Variants in ZNF280D observed in about 807,000 individuals in gnomAD.
ZNF280D encodes the protein zinc finger protein 280D.
In ZNF280D, 39 loss-of-function variants were observed where a neutral mutation model predicts 94.7. That is an observed-to-expected ratio of 0.41 (90% CI 0.32 to 0.54). The LOEUF is 0.54. Ranked by LOEUF, ZNF280D falls within the 20% of genes least tolerant of loss-of-function variation. ZNF280D has a pLI of 0.22. For missense variants in ZNF280D, 1,090 were observed against 1,149.3 expected, an observed-to-expected ratio of 0.95 and a Z score of 0.75; for synonymous variants, 398 against 377.6, an observed-to-expected ratio of 1.05 and a Z score of -0.63.
chr15:56,666,782 T>A lies in ZNF280D; in HGVS notation c.1750A>T (p.Lys584Ter), dbSNP rs763647557. The A allele has an allele frequency of 6.2e-7, 1 of 1,613,796 alleles. No individual in the cohort carries two copies. The highest frequency in any genetic ancestry group is 1.1e-5 in the South Asian group (1 of 91,076). The change falls in exon 15 of 22, where the codon AAA (lysine) becomes TAA (stop). Residue 584 changes from lysine to a stop codon, truncating the protein, a stop_gained. Transcript: ENST00000267807. LOFTEE classifies it high-confidence loss of function. ...GAGATTTTTGGTTTGTATTTAGATT[T>A]ACTTCCATTAGGCTTACTTGTATTA... ...KPNTSKPNGS[K>*]SKYKPKISNM...
chr15:56,648,297 A>G (rs1596345444), intron 19 of ZNF280D, among the ~76,000 whole-genome samples: 1 of 152,070 alleles, frequency 6.6e-6, no homozygotes, highest in East Asian at 1.9e-4. Context: ...CCCAAACATC[A>G]TTAGGGCAGT....
intron 17 of ZNF280D, among the ~76,000 whole-genome samples, chr15:56,655,353 T>C (rs901948758): frequency 1.3e-5 from 2 of 152,014 alleles, no homozygotes; most frequent in Non-Finnish European, 2.9e-5. Context: ...GACTACAGGC[T>C]CATGCTACCA....
intron 9 of ZNF280D, among the ~76,000 whole-genome samples, chr15:56,685,661 A>G (rs2055954395): frequency 6.6e-6 from 1 of 152,228 alleles, no homozygotes; most frequent in Admixed American, 6.5e-5. Context: ...ATCCTTCCTC[A>G]TAGAAAAGAA....
chr15:56,704,410 T>C, intron 3 of ZNF280D, 143 bp from the exon 4 acceptor site: 1 of 781,524 alleles, frequency 1.3e-6, no homozygotes, highest in Non-Finnish European at 2.0e-6. Context: ...CAGTATGTGG[T>C]AACAACAGTG....
chr15:56,645,489 A>G (rs2052836041), intron 19 of ZNF280D: 1 of 152,182 alleles, frequency 6.6e-6, no homozygotes, highest in Non-Finnish European at 1.5e-5. Flanking sequence ...TTCCCTCTAA[A>G]GACTAAAATG....
At position 56,721,240 on chromosome 15, in the gene ZNF280D, C is replaced by T. The variant is rs112745096; in HGVS notation, c.-86+12218G>A. On this transcript the variant is annotated intron_variant, in intron 1 of 21. Transcript: ENST00000267807. The stretch of plus-strand genomic sequence containing the variant: ...CCCATCTCCACCTCCCAAAGTGTTG[C>T]GATTACAGGCATGAGCCACCACATC... Among the ~76,000 whole-genome samples, 173 of 152,102 alleles carry T rather than the reference C, an allele frequency of 1.1e-3. 4 individuals carry two copies. Among genetic ancestry groups the T allele is most frequent in the African/African-American group, 4.0e-3 (168 of 41,490 alleles).
intron 1 of ZNF280D, among the ~76,000 whole-genome samples, chr15:56,721,617 A>G (rs1254830641): frequency 2.0e-5 from 3 of 152,054 alleles, no homozygotes; most frequent in Admixed American, 2.0e-4. Context: ...TCTCTCCTTA[A>G]ACCTCATGAA....
intron 20 of ZNF280D, among the ~76,000 whole-genome samples, chr15:56,638,511 C>A (rs2052461901): frequency 6.6e-6 from 1 of 152,096 alleles, no homozygotes; most frequent in South Asian, 2.1e-4. Flanking sequence ...GCTGGGTATT[C>A]TTCATACATT....
chr15:56,713,884 GATGA>G (rs1336415525), intron 1 of ZNF280D, among the ~76,000 whole-genome samples: 1 of 152,144 alleles, frequency 6.6e-6, no homozygotes, highest in African/African-American at 2.4e-5. Flanking sequence ...AGCAGTGAAT[GATGA>G]TACCTACTTT....
intron 19 of ZNF280D, among the ~76,000 whole-genome samples, chr15:56,645,856 A>C (rs774156099): frequency 2.0e-5 from 3 of 152,130 alleles, no homozygotes; most frequent in Non-Finnish European, 2.9e-5. Context: ...CAATCCATAC[A>C]AAATTTAACA....
chr15:56,672,911 G>A (rs1376660347), intron 13 of ZNF280D, among the ~76,000 whole-genome samples: 3 of 151,542 alleles, frequency 2.0e-5, no homozygotes, highest in African/African-American at 7.3e-5. Context: ...GTGCAGTCTT[G>A]GCTCACTACA....
At chr15:56,719,114 T>C (rs1485825886) in intron 1 of ZNF280D, among the ~76,000 whole-genome samples, 1 of 152,120 alleles carries the variant, frequency 6.6e-6, no homozygotes, top group Admixed American at 6.6e-5. Flanking sequence ...CTATCAATTC[T>C]CAACAGCAGC....
At chr15:56,705,190 T>C (rs564311512) in intron 3 of ZNF280D, among the ~76,000 whole-genome samples, 1 of 152,306 alleles carries the variant, frequency 6.6e-6, no homozygotes, top group East Asian at 1.9e-4. Context: ...ATCAATATCA[T>C]GAAACTTTTT....
At chr15:56,689,491 AG>A in intron 7 of ZNF280D, 21 bp from the exon 8 acceptor site, 1 of 1,401,286 alleles carries the variant, frequency 7.1e-7, no homozygotes, top group Non-Finnish European at 9.5e-7. Context: ...TTAAATAGTG[AG>A]AAAAATATTT....
chr15:56,676,911 T>C, intron 12 of ZNF280D, 95 bp from the exon 13 acceptor site: 1 of 931,626 alleles, frequency 1.1e-6, no homozygotes, highest in South Asian at 1.7e-5. Flanking sequence ...AGGAGAACAT[T>C]ATGTACTACT....
chr15:56,674,933 T>G (rs1278908127), intron 13 of ZNF280D, among the ~76,000 whole-genome samples: 7 of 152,048 alleles, frequency 4.6e-5, no homozygotes, highest in Admixed American at 4.6e-4. Flanking sequence ...CTATTCTGAT[T>G]GTCTAATACT....
chr15:56,729,673 A>T (rs1302093366), intron 1 of ZNF280D: 1 of 152,226 alleles, frequency 6.6e-6, no homozygotes, highest in African/African-American at 2.4e-5. Flanking sequence ...TTCAGTTACA[A>T]AACTGGAAGT....
intron 10 of ZNF280D, among the ~76,000 whole-genome samples, chr15:56,680,252 T>C (rs1046525076): frequency 6.6e-6 from 1 of 152,172 alleles, no homozygotes; most frequent in African/African-American, 2.4e-5. Context: ...AAATATCAAG[T>C]TGCCTTCCCA....
chr15:56,657,482 C>T lies in ZNF280D; in HGVS notation c.2057+942G>A, dbSNP rs138906177. ...TTTTGTTCTCATTTTACAATGCAAACGCATCAAGGTTTCCTCTGGACACCA... is the reference window on the plus strand; with the variant it reads ...TTTTGTTCTCATTTTACAATGCAAATGCATCAAGGTTTCCTCTGGACACCA... On this transcript the variant is annotated intron_variant, in intron 17 of 21. Coordinates refer to ENST00000267807, the MANE Select transcript of ZNF280D (RefSeq NM_017661.4). Among the ~76,000 whole-genome samples the T allele has an allele frequency of 2.7e-3, 404 of 152,120 alleles. 1 individual carries two copies. The highest frequency in any genetic ancestry group is 0.02 in the Middle Eastern group (6 of 294).
Sources: allele counts gnomAD v4.1 joint callset (sites outside exome capture counted in the v4.1 genomes callset), GRCh38; gene constraint gnomAD v4.1.1; transcripts MANE v1.5; gene names NCBI Gene and HGNC (gene_info 2026-07-23, HGNC 2026-07-21).